The following DAB1 variants were observed in gnomAD, a reference collection of about 807,000 sequenced individuals.
DAB1 encodes the protein DAB adaptor protein 1.
In DAB1, 15 loss-of-function variants were observed where a neutral mutation model predicts 64.6. The ratio of observed to expected loss-of-function variants is 0.23; its 90% CI spans 0.16 to 0.36. The LOEUF (loss-of-function observed/expected upper bound fraction) is 0.36, where lower values mean the gene tolerates loss of function less well. Among genes scored for constraint, DAB1 ranks in the 10% least tolerant of loss-of-function variants. The pLI is 1.00. For synonymous variants in DAB1, 235 were observed against 251.9 expected, an observed-to-expected ratio of 0.93 and a Z score of 0.64; for missense variants, 596 against 706.7, an observed-to-expected ratio of 0.84 and a Z score of 1.78.
chr1:57,540,173 G>T (rs1644785012), intron 7 of DAB1, among the ~76,000 whole-genome samples: 2 of 152,056 alleles, frequency 1.3e-5, no homozygotes, highest in African/African-American at 2.4e-5. Flanking sequence ...GCCATTTTAT[G>T]AACAACAGGT....
At chr1:57,189,514 C>T (rs1663925024) in intron 2 of DAB1, among the ~76,000 whole-genome samples, 1 of 152,256 alleles carries the variant, frequency 6.6e-6, no homozygotes, top group East Asian at 1.9e-4. Flanking sequence ...TCGTCTGGAG[C>T]AAATGGTTTT....
At chr1:57,889,233 C>T (rs988764789) in intron 5 of DAB1, among the ~76,000 whole-genome samples, 13 of 152,210 alleles carry the variant, frequency 8.5e-5, no homozygotes, top group East Asian at 3.8e-4. Flanking sequence ...CCTGTTTCTG[C>T]GCTTTCAGTG....
At chr1:57,149,085 A>G (rs896499016) in intron 2 of DAB1, among the ~76,000 whole-genome samples, 1 of 152,142 alleles carries the variant, frequency 6.6e-6, no homozygotes, top group Admixed American at 6.5e-5. Context: ...CATTTATATA[A>G]TTGTTATTTT....
intron 7 of DAB1, among the ~76,000 whole-genome samples, chr1:57,526,534 G>A (rs938699799): frequency 6.6e-6 from 1 of 152,154 alleles, no homozygotes; most frequent in Non-Finnish European, 1.5e-5. Flanking sequence ...TAAGCATCAG[G>A]ATTCTGCCAG....
chr1:57,979,425 C>T (rs184364669), intron 5 of DAB1, among the ~76,000 whole-genome samples: 26 of 151,966 alleles, frequency 1.7e-4, no homozygotes, highest in African/African-American at 6.3e-4. Flanking sequence ...GGATGGGGGG[C>T]TAGGGGAGGG....
intron 3 of DAB1, among the ~76,000 whole-genome samples, chr1:57,142,623 CACACACAT>C (rs1365758299): frequency 6.0e-5 from 9 of 150,976 alleles, no homozygotes; most frequent in African/African-American, 1.5e-4. Context: ...CACACACACA[CACACACAT>C]ACACACACAC....
chr1:58,498,490 C>T (rs1645842643), intron 3 of DAB1, among the ~76,000 whole-genome samples: 1 of 152,100 alleles, frequency 6.6e-6, no homozygotes, highest in South Asian at 2.1e-4. Flanking sequence ...GTGTCAATGG[C>T]CCTAATCCAA....
chr1:57,728,410 G>A (rs771995929), intron 6 of DAB1, among the ~76,000 whole-genome samples: 3 of 152,232 alleles, frequency 2.0e-5, no homozygotes, highest in East Asian at 1.9e-4. Flanking sequence ...TGGCTAACAC[G>A]GTGAAACCCC....
At chr1:57,413,689 A>G (rs955974212) in intron 1 of DAB1, among the ~76,000 whole-genome samples, 1 of 143,098 alleles carries the variant, frequency 7.0e-6, no homozygotes, top group Non-Finnish European at 1.5e-5. Context: ...GCTTGCAGTG[A>G]GCTGAGATCG....
At chr1:57,337,561 GT>G (rs34759218) in intron 1 of DAB1, among the ~76,000 whole-genome samples, 6 of 152,048 alleles carry the variant, frequency 3.9e-5, no homozygotes, top group Non-Finnish European at 5.9e-5. Context: ...TCTCTCCTAT[GT>G]TTTTTTTCCT....
intron 5 of DAB1, among the ~76,000 whole-genome samples, chr1:58,096,293 T>C (rs1650977105): frequency 6.6e-6 from 1 of 152,246 alleles, no homozygotes; most frequent in Non-Finnish European, 1.5e-5. Context: ...ACTATCATAC[T>C]ATGATAATTT....
intron 6 of DAB1, among the ~76,000 whole-genome samples, chr1:57,686,614 G>A (rs1194520477): frequency 6.6e-6 from 1 of 152,082 alleles, no homozygotes. Flanking sequence ...GAAAACTTCA[G>A]ACCATATATC....
chr1:58,371,761 G>A (rs1644265792), intron 3 of DAB1, among the ~76,000 whole-genome samples: 1 of 152,150 alleles, frequency 6.6e-6, no homozygotes, highest in Non-Finnish European at 1.5e-5. Context: ...ACCTCCCACT[G>A]TTGCTAAAAG....
At chr1:58,261,819 A>T (rs953048425) in intron 4 of DAB1, among the ~76,000 whole-genome samples, 2 of 152,190 alleles carry the variant, frequency 1.3e-5, no homozygotes, top group Non-Finnish European at 2.9e-5. Flanking sequence ...GGCCTCCCAG[A>T]GTGCTGGGAT....
At chr1:57,717,463 G>A (rs1298961245) in intron 6 of DAB1, among the ~76,000 whole-genome samples, 1 of 152,030 alleles carries the variant, frequency 6.6e-6, no homozygotes, top group Non-Finnish European at 1.5e-5. Flanking sequence ...TTTAGGTACT[G>A]TTGGTGGGAA....
At chr1:57,673,030 T>C (rs2101686272) in intron 6 of DAB1, among the ~76,000 whole-genome samples, 1 of 152,270 alleles carries the variant, frequency 6.6e-6, no homozygotes, top group South Asian at 2.1e-4. Flanking sequence ...TTTAACAAAA[T>C]ACCATAGAGT....
At chr1:58,019,466 TAACA>T (rs1390153235) in intron 5 of DAB1, among the ~76,000 whole-genome samples, 8 of 152,168 alleles carry the variant, frequency 5.3e-5, no homozygotes, top group Non-Finnish European at 8.8e-5. Context: ...GAGAATAAAC[TAACA>T]ATTATTGCCT....
At chr1:57,596,962 T>C (rs918290458) in intron 7 of DAB1, among the ~76,000 whole-genome samples, 1 of 152,196 alleles carries the variant, frequency 6.6e-6, no homozygotes, top group Non-Finnish European at 1.5e-5. Context: ...TTTGCTGGCT[T>C]CTATGAACTC....
At chr1:57,840,829 T>G (rs1180257895) in intron 1 of DAB1, among the ~76,000 whole-genome samples, 2 of 152,158 alleles carry the variant, frequency 1.3e-5, no homozygotes, top group Admixed American at 1.3e-4. Flanking sequence ...CAAGATGATT[T>G]TTGGGTGGGG....
Sources: allele counts gnomAD v4.1 joint callset (sites outside exome capture counted in the v4.1 genomes callset), GRCh38; gene constraint gnomAD v4.1.1; transcripts MANE v1.5; gene names NCBI Gene and HGNC (gene_info 2026-07-23, HGNC 2026-07-21).